MACF1: variants seen among roughly 807,000 people sequenced by gnomAD.
MACF1 encodes microtubule-actin cross-linking factor 1.
In MACF1, 193 loss-of-function variants were observed where a neutral mutation model predicts 854.8. That is an observed-to-expected ratio of 0.23 (90% CI 0.20 to 0.25). MACF1 has a LOEUF of 0.25. Ranked by LOEUF, MACF1 falls within the 10% of genes least tolerant of loss-of-function variation. MACF1 has a pLI of 1.00. For synonymous variants in MACF1, 3,185 were observed against 3,226.7 expected (o/e 0.99, Z 0.44); for missense variants, 7,722 against 8,929.1 (o/e 0.86, Z 5.45).
intron 2 of MACF1, among the ~76,000 whole-genome samples, chr1:39,165,328 A>G (rs527698800): frequency 2.6e-4 from 40 of 152,150 alleles, no homozygotes; most frequent in Non-Finnish European, 4.7e-4. Flanking sequence ...CTTTTACAGC[A>G]CTAGGCACCT....
rs752035652 is a variant in MACF1, at chr1:39,333,554, C to T, written c.6966C>T (p.Ala2322=). The change falls in exon 37 of 101, where the codon GCC becomes GCT. Residue 2322 remains alanine (A), a synonymous_variant. Coordinates refer to ENST00000564288, the MANE Select transcript of MACF1 (RefSeq NM_001394062.1). ...GAGGCATTGTGCCAAGTCACACTGC[C>T]GTGAAGCTTATGGAGAAGCTGAACA... ...ISRGIVPSHT[A]VKLMEKLNMF... 2.2e-5 allele frequency: 36 copies of T among 1,614,012 alleles called. No homozygotes were observed. Among genetic ancestry groups the T allele is most frequent in the African/African-American group, 5.3e-5 (4 of 74,916 alleles).
Position 39,295,154 on chromosome 1 carries a change from T to C in MACF1, c.2259+4T>C, listed in dbSNP as rs1285320426. On this transcript the variant is annotated splice_donor_region_variant and intron_variant, in intron 19 of 100. Coordinates refer to ENST00000564288, the MANE Select transcript of MACF1 (RefSeq NM_001394062.1). ...CCCAGCCAAGCAGACAGTGGAGGTGTGTGACTTGAGAATGTGTGAAGGTCA... is the reference window on the plus strand; with the variant it reads ...CCCAGCCAAGCAGACAGTGGAGGTGCGTGACTTGAGAATGTGTGAAGGTCA... The C allele has an allele frequency of 6.2e-7, 1 of 1,611,618 alleles. No individual in the cohort carries two copies. Among genetic ancestry groups the C allele is most frequent in the African/African-American group, 1.3e-5 (1 of 74,964 alleles).
chr1:39,221,379 A>G lies in MACF1; in HGVS notation c.110-9803A>G, dbSNP rs553997169. Among the ~76,000 whole-genome samples, 22 of 152,256 alleles carry G rather than the reference A, an allele frequency of 1.4e-4. 1 individual carries two copies. The highest frequency in any genetic ancestry group is 8.5e-4 in the Admixed American group (13 of 15,292). On this transcript the variant is annotated intron_variant, in intron 1 of 100. Coordinates refer to ENST00000564288, the MANE Select transcript of MACF1 (RefSeq NM_001394062.1). ...TGTCGAAATAGGCTGTTTGCTCTCT[A>G]TTTGCCACAGCTATCAATTTTTAAC...
intron 87 of MACF1, among the ~76,000 whole-genome samples, chr1:39,453,459 G>C (rs1644377505): frequency 6.6e-6 from 1 of 152,108 alleles, no homozygotes; most frequent in Non-Finnish European, 1.5e-5. Flanking sequence ...GGGAAAAGGG[G>C]GGCATACCTC....
rs1192851336 is a variant in MACF1, at chr1:39,128,485, A to G, written c.220+44047A>G. On this transcript the variant is annotated intron_variant, in intron 2 of 93. Coordinates refer to the MACF1 transcript ENST00000361689. ...TGGGATGCTGATGGATCACAAGGTC[A>G]GGAGATCAAGACCATCCTGGCTAGC... Among the ~76,000 whole-genome samples the G allele has an allele frequency of 2.6e-5, 4 of 152,170 alleles. No homozygotes were observed. In the East Asian group the frequency reaches 5.8e-4, roughly 22 times the overall value.
At chr1:39,242,725 G>A (rs1225967894) in intron 2 of MACF1, among the ~76,000 whole-genome samples, 4 of 128,864 alleles carry the variant, frequency 3.1e-5, no homozygotes, top group Admixed American at 8.6e-5. Flanking sequence ...ATGGAAGTGA[G>A]ACCCTATCTC....
At chr1:39,284,488 C>T in intron 11 of MACF1, 60 bp downstream of exon 11, 1 of 1,102,486 alleles carries the variant, frequency 9.1e-7, no homozygotes, top group Non-Finnish European at 1.3e-6. Flanking sequence ...GTTGTTGCTT[C>T]TTGATTATAG....
intron 93 of MACF1, among the ~76,000 whole-genome samples, chr1:39,462,808 A>C (rs1395949739): frequency 2.0e-5 from 3 of 152,182 alleles, no homozygotes; most frequent in Non-Finnish European, 4.4e-5. Context: ...GAACTACCAC[A>C]TTGAAACTGC....
chr1:39,252,402 C>A (rs1645050798), intron 4 of MACF1, among the ~76,000 whole-genome samples: 1 of 152,122 alleles, frequency 6.6e-6, no homozygotes, highest in Admixed American at 6.5e-5. Flanking sequence ...TTCAAAACAG[C>A]CTGTTTGCAA....
At position 39,199,422 on chromosome 1, in the gene MACF1, G is replaced by A. The variant is rs182631133; in HGVS notation, c.221-31760G>A. On this transcript the variant is annotated intron_variant, in intron 2 of 93. Transcript: ENST00000361689. ...TTTGGGAGGCCTAGGCAGGAGGATTGCTTGATTCCATGAGTTTGAGACCAA... is the reference window on the plus strand; with the variant it reads ...TTTGGGAGGCCTAGGCAGGAGGATTACTTGATTCCATGAGTTTGAGACCAA... Among the ~76,000 whole-genome samples the A allele has an allele frequency of 1.8e-4, 27 of 152,052 alleles. No individual in the cohort carries two copies. In the East Asian group the frequency reaches 4.9e-3, roughly 28 times the overall value.
chr1:39,409,079 T>A lies in MACF1; in HGVS notation c.15817-13295T>A, dbSNP rs867538947. 1.3e-5 allele frequency among the ~76,000 whole-genome samples: 2 copies of A among 151,340 alleles called. No individual in the cohort carries two copies. The stretch of plus-strand genomic sequence containing the variant: ...GGAGAGCCGCCCGCCAGCCGAGCAC[T>A]TCCAGCGAGCTAGCGAGCTAGCGGG... On this transcript the variant is annotated intron_variant, in intron 58 of 100. Coordinates refer to ENST00000564288, the MANE Select transcript of MACF1 (RefSeq NM_001394062.1). This position sits in a 1 kb window ranked among gnomAD's most constrained non-coding sequence, Gnocchi z 4.2.
intron 29 of MACF1, 23 bp downstream of exon 29, chr1:39,317,430 T>C: frequency 6.2e-7 from 1 of 1,608,522 alleles, no homozygotes; most frequent in Non-Finnish European, 8.5e-7. Flanking sequence ...CCCACCTTTT[T>C]CTCCTATTAG....
chr1:39,235,005 G>A (rs1179128938), intron 2 of MACF1, among the ~76,000 whole-genome samples: 1 of 150,854 alleles, frequency 6.6e-6, no homozygotes, highest in Non-Finnish European at 1.5e-5. Context: ...GGGCGGAGAC[G>A]CTCCTCACTT....
chr1:39,358,161 T>C (rs1426967316), intron 45 of MACF1, among the ~76,000 whole-genome samples: 1 of 152,228 alleles, frequency 6.6e-6, no homozygotes, highest in East Asian at 1.9e-4. Context: ...AGTATTCCCC[T>C]TCCTGTATCC....
At chr1:39,382,185 A>G in intron 56 of MACF1, 33 bp downstream of exon 56, 1 of 1,591,884 alleles carries the variant, frequency 6.3e-7, no homozygotes, top group Non-Finnish European at 8.6e-7. Context: ...AATTGGAATC[A>G]CATGAAACTG....
At chr1:39,296,149 G>A (rs1030240446) in intron 20 of MACF1, among the ~76,000 whole-genome samples, 2 of 152,198 alleles carry the variant, frequency 1.3e-5, no homozygotes, top group Admixed American at 6.5e-5. Flanking sequence ...CATTGCTCAT[G>A]TCTGAGAGTT....
chr1:39,331,231 AC>A lies in MACF1; in HGVS notation c.4645del (p.Leu1549Ter). On this transcript the variant is annotated frameshift_variant, in exon 37 of 101. Coordinates refer to ENST00000564288, the MANE Select transcript of MACF1 (RefSeq NM_001394062.1). LOFTEE classifies it high-confidence loss of function. ...TGCAGAGCAGTTGCTGGGGTGATTG[AC>A]CTAGGCACAGTGGAGATATTTCCCA... is the stretch of plus-strand genomic sequence containing the variant. The part of the protein sequence containing the change: ...KECRAVAGVI[D>X]LGTVEIFPIF... 1 of 1,573,132 alleles carries A rather than the reference AC, an allele frequency of 6.4e-7. No individual in the cohort carries two copies. The highest frequency in any genetic ancestry group is 8.6e-7 in the Non-Finnish European group (1 of 1,166,386).
intron 21 of MACF1, chr1:39,299,193 C>A (rs1357208803): frequency 2.2e-6 from 1 of 455,930 alleles, no homozygotes; most frequent in East Asian, 6.9e-5. Context: ...ATATTCCATT[C>A]CTCTTTCTTA....
Position 39,460,565 on chromosome 1 carries a change from G to A in MACF1, c.21361-67G>A, listed in dbSNP as rs1392708607. The A allele has an allele frequency of 7.2e-7, 1 of 1,398,260 alleles. No homozygotes were observed. Among genetic ancestry groups the A allele is most frequent in the Non-Finnish European group, 1.0e-6 (1 of 991,390 alleles). 86.6% of individuals were successfully genotyped at this position (1,398,260 alleles called of 1,614,324 possible). On this transcript the variant is annotated intron_variant, in intron 91 of 100. Transcript: ENST00000564288. This position sits in a 1 kb window ranked among gnomAD's most constrained non-coding sequence, Gnocchi z 4.1. ...CTTTACTGAATGTCTGAAAGTTTGG[G>A]TATGCTCTGGGCAGCTTTTGAGGGC...
Sources: allele counts gnomAD v4.1 joint callset (sites outside exome capture counted in the v4.1 genomes callset), GRCh38; gene constraint gnomAD v4.1.1; non-coding constraint Gnocchi (gnomAD v3.1); transcripts MANE v1.5; gene names NCBI Gene and HGNC (gene_info 2026-07-23, HGNC 2026-07-21).